The following PCDH15 variants were observed in gnomAD, a reference collection of about 807,000 sequenced individuals.
PCDH15 encodes protocadherin-15.
A neutral mutation model predicts 178.5 loss-of-function variants in PCDH15; 129 were observed. That is an observed-to-expected ratio of 0.72 (90% CI 0.63 to 0.84). PCDH15 has a LOEUF of 0.84. Ranked by LOEUF, PCDH15 falls within the 40% of genes least tolerant of loss-of-function variation. The pLI, the probability that PCDH15 is intolerant of heterozygous loss-of-function variation, is 0.00. For missense variants in PCDH15, 2,230 were observed against 2,099.9 expected (o/e 1.06, Z -1.21); for synonymous variants, 800 against 732.0 (o/e 1.09, Z -1.50).
chr10:53,875,119 G>T (rs1024211159), intron 26 of PCDH15, among the ~76,000 whole-genome samples: 3 of 151,814 alleles, frequency 2.0e-5, no homozygotes, highest in Non-Finnish European at 4.4e-5. Context: ...CAGAAAGAGA[G>T]AAAGCGAGAA....
At chr10:54,759,512 C>A (rs1947588957) in intron 1 of PCDH15, among the ~76,000 whole-genome samples, 1 of 152,152 alleles carries the variant, frequency 6.6e-6, no homozygotes, top group Admixed American at 6.6e-5. Context: ...GATATAGAAA[C>A]AACCTGCATG....
intron 23 of PCDH15, among the ~76,000 whole-genome samples, chr10:53,950,319 T>A (rs1219174432): frequency 6.6e-6 from 1 of 152,028 alleles, no homozygotes; most frequent in Non-Finnish European, 1.5e-5. Flanking sequence ...GTATAAATTT[T>A]GAATTTAGGT....
At chr10:54,621,070 T>C (rs1168236932) in intron 2 of PCDH15, among the ~76,000 whole-genome samples, 1 of 151,982 alleles carries the variant, frequency 6.6e-6, no homozygotes, top group African/African-American at 2.4e-5. Flanking sequence ...GAGAAAATTA[T>C]TTTTCATTTA....
intron 3 of PCDH15, among the ~76,000 whole-genome samples, chr10:54,421,929 C>CTATATATATATATACTA (rs1955553521): frequency 9.5e-6 from 1 of 105,732 alleles, no homozygotes; most frequent in Non-Finnish European, 1.8e-5. Flanking sequence ...TATATATACA[C>CTATATATATATATACTA]TATATATATA....
chr10:55,336,125 A>G (rs1001129908), intron 2 of PCDH15, among the ~76,000 whole-genome samples: 50 of 21,420 alleles, frequency 2.3e-3, no homozygotes, highest in African/African-American at 1.5e-3. Flanking sequence ...TTGGTATTTG[A>G]AAAAAAAAAA....
intron 14 of PCDH15, among the ~76,000 whole-genome samples, chr10:54,149,939 A>T (rs1212565246): frequency 1.1e-4 from 16 of 152,076 alleles, no homozygotes; most frequent in Non-Finnish European, 1.5e-5. Flanking sequence ...GGAGTTGGGG[A>T]GGAAGAGGGG....
chr10:54,178,266 A>G (rs1358268464), intron 13 of PCDH15, among the ~76,000 whole-genome samples: 2 of 152,194 alleles, frequency 1.3e-5, no homozygotes, highest in South Asian at 2.1e-4. Flanking sequence ...TGAAACCCAG[A>G]GTATATTCTA....
At chr10:54,572,824 G>A (rs1454977561) in intron 2 of PCDH15, among the ~76,000 whole-genome samples, 1 of 152,034 alleles carries the variant, frequency 6.6e-6, no homozygotes, top group Non-Finnish European at 1.5e-5. Flanking sequence ...AAAAATAAAA[G>A]AGAAAAAGGA....
rs774976789 is a variant in PCDH15, at chr10:53,822,036, G to C, written c.4368-1806C>G. The C allele has an allele frequency of 5.6e-6, 9 of 1,613,910 alleles. No homozygotes were observed. Among genetic ancestry groups the C allele is most frequent in the African/African-American group, 1.3e-5 (1 of 74,920 alleles). ...TTTTTCTATTTGACTGTACATGTTA[G>C]CTACTGATTTTTCAAGTTCTGCTAA... On this transcript the variant is annotated intron_variant, in intron 32 of 37. Transcript: ENST00000644397.
At chr10:54,209,742 T>C (rs1341004022) in intron 10 of PCDH15, among the ~76,000 whole-genome samples, 9 of 152,070 alleles carry the variant, frequency 5.9e-5, no homozygotes, top group Non-Finnish European at 1.3e-4. Context: ...TGAGAAGCAT[T>C]CAACAAGGAT....
rs567236964 is a variant in PCDH15, at chr10:54,471,899, T to C, written c.157+55913A>G. ...TTTAAACATCTTTTTTTCAAAAAAG[T>C]AATTATACATATTTTGAGTAATGCT... On this transcript the variant is annotated intron_variant, in intron 3 of 37. Transcript: ENST00000644397. Among the ~76,000 whole-genome samples the C allele has an allele frequency of 3.9e-5, 6 of 152,198 alleles. No individual in the cohort carries two copies. The East Asian group carries it at 1.2e-3, about 29-fold the overall frequency.
intron 2 of PCDH15, among the ~76,000 whole-genome samples, chr10:55,445,102 A>G (rs2132074413): frequency 1.3e-5 from 2 of 152,288 alleles, no homozygotes; most frequent in South Asian, 4.1e-4. Flanking sequence ...AGTCCCAATC[A>G]TGCCTATTGG....
At chr10:55,370,246 C>A (rs936984329) in intron 2 of PCDH15, among the ~76,000 whole-genome samples, 1 of 152,000 alleles carries the variant, frequency 6.6e-6, no homozygotes, top group African/African-American at 2.4e-5. Context: ...GGTAAATGTG[C>A]ACACTGGCAA....
chr10:54,297,134 C>G (rs1443619406), intron 8 of PCDH15, among the ~76,000 whole-genome samples: 1 of 152,070 alleles, frequency 6.6e-6, no homozygotes, highest in South Asian at 2.1e-4. Flanking sequence ...TTCTGATCAG[C>G]AGGGTCCAGG....
At chr10:55,608,324 G>T (rs567794270) in intron 2 of PCDH15, among the ~76,000 whole-genome samples, 14 of 151,094 alleles carry the variant, frequency 9.3e-5, no homozygotes, top group African/African-American at 3.4e-4. Flanking sequence ...AGGGGGAAGA[G>T]GGGAGAGGAG....
At chr10:55,426,040 A>G (rs1838746686) in intron 2 of PCDH15, among the ~76,000 whole-genome samples, 1 of 152,232 alleles carries the variant, frequency 6.6e-6, no homozygotes, top group Non-Finnish European at 1.5e-5. Flanking sequence ...ACACATGGTA[A>G]GAACAATTCA....
intron 15 of PCDH15, among the ~76,000 whole-genome samples, chr10:54,096,913 T>C (rs2094710445): frequency 6.6e-6 from 1 of 152,260 alleles, no homozygotes. Context: ...TTTTGGCTAA[T>C]GACAAATCAA....
At chr10:54,268,634 AT>A (rs1238532775) in intron 8 of PCDH15, among the ~76,000 whole-genome samples, 1 of 151,962 alleles carries the variant, frequency 6.6e-6, no homozygotes, top group African/African-American at 2.4e-5. Context: ...CCTGGATGCC[AT>A]TATGCTAAGC....
intron 3 of PCDH15, among the ~76,000 whole-genome samples, chr10:54,871,678 T>C (rs1434680216): frequency 6.6e-6 from 1 of 152,186 alleles, no homozygotes. Context: ...GGTTGATTTT[T>C]AATAAAAAAT....
Sources: gnomAD v4.1 joint callset for allele counts (sites outside exome capture counted in the v4.1 genomes callset) on GRCh38, gnomAD v4.1.1 for gene constraint, MANE v1.5 for transcripts, NCBI Gene and HGNC (gene_info 2026-07-23, HGNC 2026-07-21) for gene names.